Variants in CCDC158 observed in about 807,000 individuals in gnomAD.
The protein encoded by CCDC158 is coiled-coil domain-containing protein 158.
A neutral mutation model predicts 138.6 loss-of-function variants in CCDC158; 116 were observed. The observed-to-expected ratio is 0.84, with a 90% CI of 0.72 to 0.98. CCDC158 has a LOEUF of 0.98. CCDC158 is among the 50% of genes least tolerant of loss of function. The pLI is 0.00. For synonymous variants in CCDC158, 436 were observed against 442.4 expected, an observed-to-expected ratio of 0.99 and a Z score of 0.18; for missense variants, 1,265 against 1,306.1, an observed-to-expected ratio of 0.97 and a Z score of 0.48.
At chr4:76,408,332 C>T (rs1729006040) in intron 2 of CCDC158, among the ~76,000 whole-genome samples, 1 of 151,982 alleles carries the variant, frequency 6.6e-6, no homozygotes, top group Non-Finnish European at 1.5e-5. Flanking sequence ...GCTATCCCTC[C>T]CCGCTCCCCC....
At chr4:76,398,457 A>G (rs933517025) in intron 3 of CCDC158, among the ~76,000 whole-genome samples, 4 of 152,130 alleles carry the variant, frequency 2.6e-5, no homozygotes, top group Admixed American at 2.0e-4. Flanking sequence ...GCCTGAGCTC[A>G]GGAGTTCAAG....
chr4:76,351,306 A>G (rs1043834436), intron 17 of CCDC158, among the ~76,000 whole-genome samples, 185 bp from the exon 18 acceptor site: 2 of 152,134 alleles, frequency 1.3e-5, no homozygotes, highest in African/African-American at 4.8e-5. Flanking sequence ...TACGATTTAA[A>G]AAAAAAACGT....
At chr4:76,336,181 CAAAAAAAAAA>C (rs34498886) in intron 18 of CCDC158, among the ~76,000 whole-genome samples, 8 of 56,032 alleles carry the variant, frequency 1.4e-4, no homozygotes, top group East Asian at 7.6e-4. Flanking sequence ...GACTCTGTCT[CAAAAAAAAAA>C]AAAAAAAAAA....
At chr4:76,344,852 AG>A (rs1257352210) in intron 18 of CCDC158, 2 of 1,588,400 alleles carry the variant, frequency 1.3e-6, no homozygotes, top group Admixed American at 1.7e-5. Flanking sequence ...CTATGACCAA[AG>A]AAGAATTTGC....
At position 76,362,113 on chromosome 4, in the gene CCDC158, T is replaced by C; in HGVS notation, c.2020+13A>G. On this transcript the variant is annotated intron_variant, in intron 13 of 24. Transcript: ENST00000682701. The stretch of plus-strand genomic sequence containing the variant: ...TCTTATTTTTTAGTAGGATTTGTGC[T>C]GAAGCAACATACCTGAAAGATTGTT... 3 of 1,609,506 alleles carry C rather than the reference T, an allele frequency of 1.9e-6. No homozygotes were observed. The highest frequency in any genetic ancestry group is 2.5e-6 in the Non-Finnish European group (3 of 1,176,830).
Position 76,348,434 on chromosome 4 carries a change from C to CA in CCDC158, c.2664+2561dup, listed in dbSNP as rs11342856. Among the ~76,000 whole-genome samples the CA allele has an allele frequency of 9.7e-3, 522 of 54,050 alleles. 6 individuals are homozygous for CA. Among genetic ancestry groups the CA allele is most frequent in the African/African-American group, 0.016 (245 of 15,378 alleles). 35.5% of individuals were successfully genotyped at this position (54,050 alleles called of 152,430 possible). On this transcript the variant is annotated intron_variant, in intron 18 of 24. Coordinates refer to ENST00000682701, the MANE Select transcript of CCDC158 (RefSeq NM_001394954.1). ...TGGGCAACAGAGCAATACTCTGTCT[C>CA]AAAAAAAAAAAAAAAAAAAAAAAAG...
chr4:76,323,243 G>A, intron 24 of CCDC158, 59 bp downstream of exon 24: 1 of 1,271,930 alleles, frequency 7.9e-7, no homozygotes, highest in Non-Finnish European at 1.1e-6. Context: ...GGCTTAATCT[G>A]AAAAGAAGGT....
intron 4 of CCDC158, among the ~76,000 whole-genome samples, chr4:76,392,814 T>C (rs1029510522): frequency 1.3e-5 from 2 of 151,832 alleles, no homozygotes; most frequent in African/African-American, 4.8e-5. Flanking sequence ...AGTTAACATA[T>C]AAAAATCAAT....
chr4:76,389,485 G>A (rs1727116794), intron 4 of CCDC158, among the ~76,000 whole-genome samples: 1 of 152,058 alleles, frequency 6.6e-6, no homozygotes, highest in African/African-American at 2.4e-5. Flanking sequence ...CCTCAAAAGG[G>A]CAAATCTAAG....
At chr4:76,373,827 A>G (rs1466636999) in intron 9 of CCDC158, among the ~76,000 whole-genome samples, 1 of 152,166 alleles carries the variant, frequency 6.6e-6, no homozygotes, top group Non-Finnish European at 1.5e-5. Flanking sequence ...AAAGTATTTC[A>G]CCAGAATTAA....
chr4:76,419,069 T>C (rs929442806), intron 1 of CCDC158, among the ~76,000 whole-genome samples: 2 of 152,212 alleles, frequency 1.3e-5, no homozygotes, highest in African/African-American at 4.8e-5. Context: ...TAATCAATAA[T>C]GATTCAGCTA....
chr4:76,336,108 G>A (rs1376599923), intron 18 of CCDC158, among the ~76,000 whole-genome samples: 1 of 145,498 alleles, frequency 6.9e-6, no homozygotes, highest in African/African-American at 2.5e-5. Context: ...CATGAGCCCA[G>A]GAGGCGGAGC....
chr4:76,324,032 GAT>G (rs1378383401), intron 23 of CCDC158, among the ~76,000 whole-genome samples: 1 of 152,094 alleles, frequency 6.6e-6, no homozygotes, highest in Non-Finnish European at 1.5e-5. Flanking sequence ...ACAATCTGAA[GAT>G]TTAAATTTTG....
chr4:76,358,783 T>C (rs893473877), intron 13 of CCDC158, among the ~76,000 whole-genome samples: 4 of 152,206 alleles, frequency 2.6e-5, no homozygotes, highest in Non-Finnish European at 5.9e-5. Context: ...TTCACCCATT[T>C]CTATCTAGGT....
At position 76,384,531 on chromosome 4, in the gene CCDC158, T is replaced by G. The variant is rs374033238; in HGVS notation, c.398+25A>C. On this transcript the variant is annotated intron_variant, in intron 5 of 24. Coordinates refer to ENST00000682701, the MANE Select transcript of CCDC158 (RefSeq NM_001394954.1). ...TTTCACATAATGAAAATATGTGACT[T>G]TAAAATAATTTCACAAATCCCAACC... is the stretch of plus-strand genomic sequence containing the variant. The G allele has an allele frequency of 1.6e-3, 2,515 of 1,587,334 alleles. 7 individuals are homozygous for G. Among genetic ancestry groups the G allele is most frequent in the Middle Eastern group, 5.0e-3 (30 of 5,956 alleles).
chr4:76,380,504 C>T (rs1159426121), intron 8 of CCDC158, among the ~76,000 whole-genome samples: 2 of 152,264 alleles, frequency 1.3e-5, no homozygotes, highest in East Asian at 3.9e-4. Context: ...AATTTCTAAG[C>T]AGCAAAGCAT....
At chr4:76,338,577 T>C (rs956184854) in intron 18 of CCDC158, among the ~76,000 whole-genome samples, 2 of 152,050 alleles carry the variant, frequency 1.3e-5, no homozygotes, top group African/African-American at 4.8e-5. Context: ...CCATAATAAA[T>C]CAATTGCTCA....
At chr4:76,419,695 C>T (rs531134433) in intron 1 of CCDC158, among the ~76,000 whole-genome samples, 1 of 151,858 alleles carries the variant, frequency 6.6e-6, no homozygotes, top group African/African-American at 2.4e-5. Flanking sequence ...AGGACCTTTG[C>T]GTTTGCATTT....
At chr4:76,420,235 C>A (rs1730006165) in intron 1 of CCDC158, among the ~76,000 whole-genome samples, 3 of 151,988 alleles carry the variant, frequency 2.0e-5, no homozygotes, top group Admixed American at 2.0e-4. Flanking sequence ...TATGTGGAAG[C>A]CCTGGTCCTT....
Sources: gnomAD v4.1 joint callset for allele counts (sites outside exome capture counted in the v4.1 genomes callset) on GRCh38, gnomAD v4.1.1 for gene constraint, MANE v1.5 for transcripts, NCBI Gene and HGNC (gene_info 2026-07-23, HGNC 2026-07-21) for gene names.